The following GPN1 variants were observed in gnomAD, a reference collection of about 807,000 sequenced individuals.
GPN1 encodes the protein GPN-loop GTPase 1.
In GPN1, 44 loss-of-function variants were observed where a neutral mutation model predicts 55.9. That is an observed-to-expected ratio of 0.79 (90% CI 0.62 to 1.01). The LOEUF is 1.01. Among genes scored for constraint, GPN1 ranks in the 50% least tolerant of loss-of-function variants. GPN1 has a pLI of 0.00. For missense variants in GPN1, 466 were observed against 462.8 expected, an observed-to-expected ratio of 1.01 and a Z score of -0.06; for synonymous variants, 179 against 162.5, an observed-to-expected ratio of 1.10 and a Z score of -0.77.
chr2:27,634,680 A>G (rs1271117498), intron 5 of GPN1, among the ~76,000 whole-genome samples, 166 bp from the exon 6 acceptor site: 1 of 152,238 alleles, frequency 6.6e-6, no homozygotes, highest in African/African-American at 2.4e-5. Flanking sequence ...AACAAAGTCT[A>G]GGGGATCATC....
At chr2:27,635,082 A>T in intron 6 of GPN1, 58 bp from the exon 7 acceptor site, 1 of 1,116,884 alleles carries the variant, frequency 9.0e-7, no homozygotes, top group Non-Finnish European at 1.4e-6. Context: ...GTGGAAAAAG[A>T]GTTTGAGGAC....
At chr2:27,649,968 T>C (rs1674446965) in intron 13 of GPN1, 147 bp from the exon 14 acceptor site, 1 of 540,768 alleles carries the variant, frequency 1.8e-6, no homozygotes, top group Non-Finnish European at 3.4e-6. Flanking sequence ...TGATAGAGCA[T>C]GCTTCTAGGA....
chr2:27,638,273 G>A lies in GPN1; in HGVS notation c.570+18G>A, dbSNP rs765308292. On this transcript the variant is annotated intron_variant, in intron 8 of 13. Transcript: ENST00000610189. The stretch of plus-strand genomic sequence containing the variant: ...TGAATAAAGTAAGTGTATTCTTCCT[G>A]TTGTGATTCACCATTTTTCATCAGA... 2 of 1,435,844 alleles carry A rather than the reference G, an allele frequency of 1.4e-6. No homozygotes were observed. 88.9% of individuals were successfully genotyped at this position (1,435,844 alleles called of 1,614,324 possible).
At chr2:27,642,952 T>C (rs1179252027) in intron 12 of GPN1, among the ~76,000 whole-genome samples, 80 of 38,050 alleles carry the variant, frequency 2.1e-3, no homozygotes, top group Admixed American at 4.0e-3. Flanking sequence ...TTTATATATA[T>C]ATATATACAC....
chr2:27,645,650 G>A (rs1674192561), intron 12 of GPN1, among the ~76,000 whole-genome samples: 1 of 151,530 alleles, frequency 6.6e-6, no homozygotes, highest in Middle Eastern at 3.4e-3. Flanking sequence ...TTTTTAAAAT[G>A]TTTTTGTTAT....
At chr2:27,648,833 C>T (rs540904487) in intron 13 of GPN1, among the ~76,000 whole-genome samples, 9 of 151,988 alleles carry the variant, frequency 5.9e-5, no homozygotes, top group South Asian at 2.1e-4. Flanking sequence ...GACGGGGTTT[C>T]GCCATGTTGG....
At position 27,643,301 on chromosome 2, in the gene GPN1, C is replaced by T. The variant is rs969745116; in HGVS notation, c.931+782C>T. 6.6e-6 allele frequency among the ~76,000 whole-genome samples: 1 copy of T among 151,262 alleles called. No homozygotes were observed. Among genetic ancestry groups the T allele is most frequent in the Middle Eastern group, 3.2e-3 (1 of 314 alleles). On this transcript the variant is annotated intron_variant, in intron 12 of 13. Transcript: ENST00000610189. The surrounding 1 kb of genome is among the most constrained non-coding windows in gnomAD (Gnocchi z 4.0). ...TTCTATCAGATTCCCAAAATGTTAA[C>T]ATTCTACCATGTTTACTTTATTCTT...
intron 10 of GPN1, 131 bp downstream of exon 10, chr2:27,640,256 G>A: frequency 1.4e-6 from 1 of 706,806 alleles, no homozygotes; most frequent in Non-Finnish European, 2.5e-6. Context: ...TATGTGTATT[G>A]AATCAGACCA....
chr2:27,632,005 A>G, intron 4 of GPN1, 105 bp downstream of exon 4: 2 of 748,414 alleles, frequency 2.7e-6, no homozygotes, highest in Non-Finnish European at 4.9e-6. Context: ...CCTGAGCATA[A>G]ATATAGAAAA....
upstream of GPN1, chr2:27,628,501 C>A (rs188110444): frequency 4.5e-6 from 7 of 1,551,288 alleles, no homozygotes; most frequent in Admixed American, 1.2e-4. Flanking sequence ...CTGCAACTCG[C>A]GGGAACAATG....
At chr2:27,647,605 TC>T (rs1674299861) in intron 12 of GPN1, among the ~76,000 whole-genome samples, 1 of 152,196 alleles carries the variant, frequency 6.6e-6, no homozygotes. Context: ...ATTATTTCCC[TC>T]AGCTTAAAAA....
At chr2:27,650,031 C>G (rs976589984) in intron 13 of GPN1, 84 bp from the exon 14 acceptor site, 36 of 782,560 alleles carry the variant, frequency 4.6e-5, no homozygotes, top group Non-Finnish European at 7.5e-5. Flanking sequence ...AAGTAATGTA[C>G]TGTTTTCTGA....
At chr2:27,641,566 T>C (rs1485424799) in intron 11 of GPN1, among the ~76,000 whole-genome samples, 2 of 152,122 alleles carry the variant, frequency 1.3e-5, no homozygotes, top group African/African-American at 4.8e-5. Flanking sequence ...TTGTAGAATT[T>C]TGTATAAGAG....
At chr2:27,636,666 G>T (rs1673744495) in intron 7 of GPN1, among the ~76,000 whole-genome samples, 1 of 151,856 alleles carries the variant, frequency 6.6e-6, no homozygotes, top group African/African-American at 2.4e-5. Context: ...GTAGAGTCGG[G>T]GTTTCACCTT....
At chr2:27,636,154 TG>T (rs1673723910) in intron 7 of GPN1, among the ~76,000 whole-genome samples, 2 of 152,256 alleles carry the variant, frequency 1.3e-5, no homozygotes. Context: ...AGGCCAAGGT[TG>T]GAGTGAGCTG....
chr2:27,632,557 T>G (rs1378695101), intron 4 of GPN1, 76 bp from the exon 5 acceptor site: 12 of 946,038 alleles, frequency 1.3e-5, no homozygotes. Context: ...GCCTGTGAGG[T>G]ATGCCACCCT....
intron 12 of GPN1, among the ~76,000 whole-genome samples, chr2:27,645,308 G>C (rs1674171524): frequency 6.6e-6 from 1 of 151,946 alleles, no homozygotes; most frequent in African/African-American, 2.4e-5. Flanking sequence ...GGTGAGCAAG[G>C]ACTCCTTACT....
chr2:27,643,098 GCTTTA>G lies in GPN1; in HGVS notation c.931+584_931+588del, dbSNP rs1674042301. Among the ~76,000 whole-genome samples the G allele has an allele frequency of 6.7e-6, 1 of 150,158 alleles. No homozygotes were observed. Among genetic ancestry groups the G allele is most frequent in the Admixed American group, 6.6e-5 (1 of 15,060 alleles). ...TGGGTTCCTCTTTCAGGAAGTTTTT[GCTTTA>G]CTTTGGCAATATACTTGATGTGTGC... On this transcript the variant is annotated intron_variant, in intron 12 of 13. Transcript: ENST00000610189. This position sits in a 1 kb window ranked among gnomAD's most constrained non-coding sequence, Gnocchi z 4.0.
chr2:27,635,284 T>G (rs1347912630), intron 7 of GPN1, 50 bp downstream of exon 7: 3 of 824,394 alleles, frequency 3.6e-6, no homozygotes, highest in Non-Finnish European at 6.0e-6. Flanking sequence ...TAAGGCCTTT[T>G]TCTCTTCTTC....
Sources: allele counts gnomAD v4.1 joint callset (sites outside exome capture counted in the v4.1 genomes callset), GRCh38; gene constraint gnomAD v4.1.1; non-coding constraint Gnocchi (gnomAD v3.1); transcripts MANE v1.5; gene names NCBI Gene and HGNC (gene_info 2026-07-23, HGNC 2026-07-21).